The following AOX1 variants were observed in gnomAD, a reference collection of about 807,000 sequenced individuals.
AOX1 encodes aldehyde oxidase.
AOX1 carries 153 observed loss-of-function variants against 169.5 expected under a neutral mutation model. The observed-to-expected ratio is 0.90, with a 90% CI of 0.79 to 1.03. AOX1 has a LOEUF of 1.03. Among genes scored for constraint, AOX1 ranks in the 50% least tolerant of loss-of-function variants. The pLI is 0.00. For synonymous variants in AOX1, 562 were observed against 581.9 expected, an observed-to-expected ratio of 0.97 and a Z score of 0.49; for missense variants, 1,656 against 1,663.9, an observed-to-expected ratio of 1.00 and a Z score of 0.08.
chr2:200,679,295 T>C (rs909187911), downstream of AOX1: 6 of 152,222 alleles, frequency 3.9e-5, no homozygotes, highest in African/African-American at 1.4e-4. Flanking sequence ...TTTTTGGCTT[T>C]ACTGTGTAAA....
At chr2:200,648,774 G>A (rs1559254626) in intron 25 of AOX1, among the ~76,000 whole-genome samples, 1 of 152,140 alleles carries the variant, frequency 6.6e-6, no homozygotes, top group Non-Finnish European at 1.5e-5. Context: ...GGCTGCTGTG[G>A]GGGATGGGTG....
intron 4 of AOX1, chr2:200,676,792 G>T (rs2036106491): frequency 2.4e-6 from 1 of 416,302 alleles, no homozygotes; most frequent in Non-Finnish European, 4.9e-6. Flanking sequence ...AACATAGACA[G>T]ACAGGAGCTG....
intron 20 of AOX1, among the ~76,000 whole-genome samples, chr2:200,630,295 G>C (rs1559246170): frequency 1.3e-5 from 2 of 151,328 alleles, no homozygotes. Context: ...GGCTGAAGCA[G>C]GCAGATAGCT....
At chr2:200,648,175 T>C (rs968029324) in intron 25 of AOX1, among the ~76,000 whole-genome samples, 7 of 152,334 alleles carry the variant, frequency 4.6e-5, no homozygotes, top group African/African-American at 1.7e-4. Flanking sequence ...TGTTTTGTCA[T>C]GTTACCAGGG....
intron 25 of AOX1, among the ~76,000 whole-genome samples, chr2:200,648,330 T>G (rs2035505936): frequency 6.6e-6 from 1 of 152,226 alleles, no homozygotes. Flanking sequence ...TGGCTTCCTG[T>G]GAGCTGAACT....
chr2:200,591,798 A>G (rs151222104), intron 1 of AOX1, among the ~76,000 whole-genome samples: 4 of 152,254 alleles, frequency 2.6e-5, no homozygotes, highest in Middle Eastern at 3.4e-3. Context: ...GGTGCAGAGG[A>G]CGATATTGCG....
At chr2:200,606,610 A>G (rs78185727) in intron 10 of AOX1, among the ~76,000 whole-genome samples, 1 of 152,192 alleles carries the variant, frequency 6.6e-6, no homozygotes, top group Non-Finnish European at 1.5e-5. Flanking sequence ...CTTCCTATCC[A>G]TGAGCATGGA....
At chr2:200,670,405 C>T (rs2036004224) in intron 34 of AOX1, among the ~76,000 whole-genome samples, 1 of 152,148 alleles carries the variant, frequency 6.6e-6, no homozygotes, top group South Asian at 2.1e-4. Flanking sequence ...GAAACAGAGA[C>T]CCACTCCACT....
At chr2:200,674,533 CA>C (rs1442767422), downstream of AOX1, among the ~76,000 whole-genome samples, 5 of 152,210 alleles carry the variant, frequency 3.3e-5, no homozygotes, top group African/African-American at 4.8e-5. Flanking sequence ...TAACACCCAG[CA>C]GGAAGCTCCC....
intron 26 of AOX1, among the ~76,000 whole-genome samples, chr2:200,655,237 C>G (rs1478549739): frequency 6.6e-6 from 1 of 152,198 alleles, no homozygotes; most frequent in East Asian, 1.9e-4. Context: ...GGACGTGATC[C>G]TTCCTTTCAG....
chr2:200,681,316 C>T (rs1559268125), downstream of AOX1: 1 of 152,650 alleles, frequency 6.6e-6, no homozygotes, highest in Non-Finnish European at 1.5e-5. Context: ...CTGAGAGACT[C>T]TTACCTCTAA....
At chr2:200,661,256 T>C (rs1286562792) in intron 29 of AOX1, among the ~76,000 whole-genome samples, 1 of 152,196 alleles carries the variant, frequency 6.6e-6, no homozygotes, top group Non-Finnish European at 1.5e-5. Context: ...CCAAGCATTG[T>C]TTTCTAAAAT....
intron 15 of AOX1, among the ~76,000 whole-genome samples, chr2:200,615,767 AG>A (rs1157373753): frequency 6.6e-6 from 1 of 152,180 alleles, no homozygotes; most frequent in Non-Finnish European, 1.5e-5. Context: ...TCATAATATG[AG>A]GAAATATGTA....
chr2:200,625,431 C>A (rs185289002), intron 19 of AOX1, among the ~76,000 whole-genome samples: 2 of 152,200 alleles, frequency 1.3e-5, no homozygotes, highest in Non-Finnish European at 2.9e-5. Flanking sequence ...CCACTCCCCC[C>A]ACCCTCACCA....
At chr2:200,600,412 C>G (rs1216508592) in intron 5 of AOX1, among the ~76,000 whole-genome samples, 1 of 152,034 alleles carries the variant, frequency 6.6e-6, no homozygotes, top group Non-Finnish European at 1.5e-5. Flanking sequence ...ATACTTATTG[C>G]AAAGAACTGT....
intron 1 of AOX1, among the ~76,000 whole-genome samples, chr2:200,591,541 T>G (rs375927107): frequency 4.6e-5 from 7 of 152,194 alleles, no homozygotes; most frequent in African/African-American, 1.7e-4. Flanking sequence ...GAGTTCGAAT[T>G]TCTTCTTGTA....
At chr2:200,649,079 C>T (rs1334900705) in intron 25 of AOX1, among the ~76,000 whole-genome samples, 2 of 152,070 alleles carry the variant, frequency 1.3e-5, no homozygotes, top group Non-Finnish European at 2.9e-5. Flanking sequence ...CAGATTTGTG[C>T]CCTCCCACTG....
chr2:200,676,419 G>C (rs555285154), downstream of AOX1, among the ~76,000 whole-genome samples: 1 of 152,086 alleles, frequency 6.6e-6, no homozygotes, highest in East Asian at 1.9e-4. Flanking sequence ...GGCTAACATG[G>C]TGAAACCCCG....
chr2:200,628,656 TG>T (rs1278931517), intron 20 of AOX1, among the ~76,000 whole-genome samples: 2 of 152,162 alleles, frequency 1.3e-5, no homozygotes, highest in Non-Finnish European at 2.9e-5. Context: ...GGGCTGGGCA[TG>T]GTGACTCATG....
Sources: allele counts gnomAD v4.1 joint callset (sites outside exome capture counted in the v4.1 genomes callset), GRCh38; gene constraint gnomAD v4.1.1; transcripts MANE v1.5; gene names NCBI Gene and HGNC (gene_info 2026-07-23, HGNC 2026-07-21).